AXDND1: variants seen among roughly 807,000 people sequenced by gnomAD.
AXDND1 encodes axonemal dynein light chain domain-containing protein 1.
In AXDND1, 110 loss-of-function variants were observed where a neutral mutation model predicts 137.5. That is an observed-to-expected ratio of 0.80 (90% confidence interval 0.69 to 0.94). The LOEUF is 0.94. Among genes scored for constraint, AXDND1 ranks in the 40% least tolerant of loss-of-function variants. The probability of loss-of-function intolerance (pLI) is 0.00; values close to 1 mark genes in which losing one functional copy is unlikely to be tolerated. For synonymous variants in AXDND1, 414 were observed against 399.7 expected, an observed-to-expected ratio of 1.04 and a Z score of -0.43; for missense variants, 1,191 against 1,169.8, an observed-to-expected ratio of 1.02 and a Z score of -0.26.
chr1:179,409,028 G>A (rs1653444914), intron 11 of AXDND1, among the ~76,000 whole-genome samples: 1 of 114,168 alleles, frequency 8.8e-6, no homozygotes, highest in South Asian at 2.7e-4. Context: ...GGGTTGCATT[G>A]AATTTATAGA....
At chr1:179,428,769 A>G (rs1420168317) in intron 12 of AXDND1, among the ~76,000 whole-genome samples, 3 of 152,258 alleles carry the variant, frequency 2.0e-5, no homozygotes. Context: ...AAAATGTAAA[A>G]CAATAGCACT....
At chr1:179,467,929 A>T (rs949205360) in intron 16 of AXDND1, among the ~76,000 whole-genome samples, 4 of 152,208 alleles carry the variant, frequency 2.6e-5, no homozygotes, top group African/African-American at 9.6e-5. Flanking sequence ...GAATCAGTCC[A>T]CTGGACCCAC....
At chr1:179,373,754 T>C (rs1196884846) in intron 4 of AXDND1, among the ~76,000 whole-genome samples, 2 of 152,152 alleles carry the variant, frequency 1.3e-5, no homozygotes, top group Non-Finnish European at 2.9e-5. Flanking sequence ...TAAATGGTGC[T>C]GGGAAAACTG....
intron 21 of AXDND1, among the ~76,000 whole-genome samples, chr1:179,517,141 T>A (rs183586911): frequency 2.0e-4 from 30 of 152,246 alleles, no homozygotes; most frequent in Admixed American, 4.6e-4. Flanking sequence ...CTGTGGGGAA[T>A]GGGGGTGAGT....
chr1:179,442,737 C>T (rs1659169085), intron 15 of AXDND1, among the ~76,000 whole-genome samples: 1 of 152,170 alleles, frequency 6.6e-6, no homozygotes, highest in Non-Finnish European at 1.5e-5. Flanking sequence ...TCACTGTTTG[C>T]CTTGTCAATT....
At chr1:179,419,097 A>C (rs530521164) in intron 12 of AXDND1, among the ~76,000 whole-genome samples, 1 of 135,148 alleles carries the variant, frequency 7.4e-6, no homozygotes, top group African/African-American at 2.8e-5. Context: ...CCTAGATGGG[A>C]TGGCGGCCGG....
At chr1:179,447,783 C>T (rs1659951457) in intron 16 of AXDND1, 19 of 1,311,944 alleles carry the variant, frequency 1.4e-5, no homozygotes, top group African/African-American at 2.9e-5. Flanking sequence ...CAAATTCATT[C>T]CCCACTGGGC....
rs116832414 is a variant in AXDND1, at chr1:179,508,484, C to T, written c.2389-812C>T. Among the ~76,000 whole-genome samples, 613 of 152,210 alleles carry T rather than the reference C, an allele frequency of 4.0e-3. 5 individuals are homozygous for T. Among genetic ancestry groups the T allele is most frequent in the African/African-American group, 0.014 (590 of 41,552 alleles). ...AGATCTCTGTTCCCAGAGAGGACAA[C>T]GTTTCCTAGTTCTCAGGGCTTTTAT... On this transcript the variant is annotated intron_variant, in intron 20 of 25. Transcript: ENST00000367618.
intron 18 of AXDND1, among the ~76,000 whole-genome samples, chr1:179,490,296 A>G (rs1666724640): frequency 6.6e-6 from 1 of 152,202 alleles, no homozygotes; most frequent in Admixed American, 6.5e-5. Context: ...GTTTAAGCCT[A>G]GAGAAATACT....
chr1:179,399,340 T>C (rs1417799881), intron 11 of AXDND1, among the ~76,000 whole-genome samples: 1 of 152,104 alleles, frequency 6.6e-6, no homozygotes, highest in Admixed American at 6.6e-5. Flanking sequence ...GGACACCCTT[T>C]TCAATAAATG....
chr1:179,405,855 TTCTC>T (rs1652876889), intron 11 of AXDND1, among the ~76,000 whole-genome samples: 1 of 152,016 alleles, frequency 6.6e-6, no homozygotes, highest in Non-Finnish European at 1.5e-5. Flanking sequence ...GTTTTTTAGT[TTCTC>T]TCATTTATTT....
At chr1:179,530,453 C>T (rs146654718) in intron 23 of AXDND1, among the ~76,000 whole-genome samples, 5 of 152,276 alleles carry the variant, frequency 3.3e-5, no homozygotes, top group Admixed American at 6.5e-5. Context: ...TCTGGTATGC[C>T]GTCCAGGCTA....
Position 179,429,516 on chromosome 1 carries a change from A to G in AXDND1, c.1231-2A>G. The G allele has an allele frequency of 6.9e-7, 1 of 1,450,110 alleles. No homozygotes were observed. The highest frequency in any genetic ancestry group is 9.3e-7 in the Non-Finnish European group (1 of 1,079,892). 89.8% of individuals were successfully genotyped at this position (1,450,110 alleles called of 1,614,324 possible). On this transcript the variant is annotated splice_acceptor_variant, in intron 12 of 25. Transcript: ENST00000367618. LOFTEE classifies it high-confidence loss of function. The stretch of plus-strand genomic sequence containing the variant: ...CCTGATTATAGTACATTATTTTTAT[A>G]GGTGATTGAAAGAAATAGAGTCATA...
Position 179,411,171 on chromosome 1 carries a change from T to A in AXDND1, c.1135T>A (p.Tyr379Asn). The A allele has an allele frequency of 1.2e-6, 2 of 1,606,594 alleles. No homozygotes were observed. ...AATAGTAGAAGAATATCATGACTTA[T>A]ATACATTACAAAGAGAAAGGATGGA... ...AKIVEEYHDL[Y>N]TLQRERMEND... The change falls in exon 12 of 26, where the codon TAT becomes AAT. Residue 379 changes from tyrosine to asparagine, a missense_variant. Physicochemically the swap from Tyr to Asn is moderately radical, Grantham distance 143. Transcript: ENST00000367618.
intron 16 of AXDND1, chr1:179,453,169 G>C (rs1385735280): frequency 6.6e-6 from 1 of 152,264 alleles, no homozygotes; most frequent in Non-Finnish European, 1.5e-5. Context: ...TTTGCTGCAG[G>C]GGCAGGGCCC....
rs1312118985 is a variant in AXDND1, at chr1:179,379,452, C to T, written c.551C>T (p.Thr184Ile). 1.2e-6 allele frequency: 2 copies of T among 1,613,476 alleles called. No individual in the cohort carries two copies. Among genetic ancestry groups the T allele is most frequent in the Non-Finnish European group, 1.7e-6 (2 of 1,179,694 alleles). The part of the protein sequence containing the change: ...IPEEFHIVSS[T>I]GVSGLECYDD... Reference sequence around the variant, plus strand: ...GAAGAATTTCATATTGTGTCAAGTACAGGAGTTTCAGGTTTGGAGTGTTAT... The same window carrying T: ...GAAGAATTTCATATTGTGTCAAGTATAGGAGTTTCAGGTTTGGAGTGTTAT... Residue 184 changes from threonine to isoleucine, a missense_variant, in exon 6 of 26, where the codon ACA becomes ATA. Transcript: ENST00000367618.
chr1:179,422,045 G>GAAA (rs71111997), intron 12 of AXDND1, among the ~76,000 whole-genome samples: 1 of 130,130 alleles, frequency 7.7e-6, no homozygotes, highest in Non-Finnish European at 1.6e-5. Context: ...CATCTCAAAA[G>GAAA]AAAAAAAAAA....
chr1:179,429,591 A>T lies in AXDND1; in HGVS notation c.1304A>T (p.Lys435Met), dbSNP rs150583143. ...GAAAAAGGCTGGAATAAATACACTA[A>T]GCATTTCATCATACTGCTATCAAAC... is the stretch of plus-strand genomic sequence containing the variant. ...LNEKGWNKYT[K>M]HFIILLSNKD... Residue 435 changes from lysine (K) to methionine (M), a missense_variant, in exon 13 of 26, where the codon AAG (lysine) becomes ATG (methionine). By Grantham distance (95) the Lys-to-Met change is moderately conservative. Transcript: ENST00000367618. The T allele has an allele frequency of 1.9e-6, 3 of 1,577,600 alleles. No homozygotes were observed. Among genetic ancestry groups the T allele is most frequent in the Non-Finnish European group, 2.6e-6 (3 of 1,165,698 alleles).
chr1:179,417,974 A>T (rs12754425), intron 12 of AXDND1, among the ~76,000 whole-genome samples: 95,954 of 149,454 alleles, frequency 0.64, 31,100 homozygotes, highest in Middle Eastern at 0.7. Context: ...ATTTTTATTT[A>T]TTTATTTTTA....
Sources: gnomAD v4.1 joint callset for allele counts (sites outside exome capture counted in the v4.1 genomes callset) on GRCh38, gnomAD v4.1.1 for gene constraint, MANE v1.5 for transcripts, NCBI Gene and HGNC (gene_info 2026-07-23, HGNC 2026-07-21) for gene names.